AADAT: variants seen among roughly 807,000 people sequenced by gnomAD.
AADAT encodes the protein aminoadipate aminotransferase.
AADAT carries 25 observed loss-of-function variants against 56.2 expected under a neutral mutation model. That is an observed-to-expected ratio of 0.44 (90% CI 0.32 to 0.62). The LOEUF (loss-of-function observed/expected upper bound fraction) is 0.62. Among genes scored for constraint, AADAT ranks in the 20% least tolerant of loss-of-function variants. The pLI, the probability that AADAT is intolerant of heterozygous loss-of-function variation, is 0.04. For synonymous variants in AADAT, 173 were observed against 164.7 expected, an observed-to-expected ratio of 1.05 and a Z score of -0.39; for missense variants, 387 against 510.5, an observed-to-expected ratio of 0.76 and a Z score of 2.33.
intron 12 of AADAT, 79 bp downstream of exon 12, chr4:170,061,813 C>T (rs1240941845): frequency 1.1e-5 from 11 of 985,676 alleles, no homozygotes; most frequent in Non-Finnish European, 1.6e-5. Flanking sequence ...AAGTAATATT[C>T]TAATTCACAA....
chr4:170,062,108 G>T (rs780752607), intron 11 of AADAT, 115 bp from the exon 12 acceptor site: 1 of 557,846 alleles, frequency 1.8e-6, no homozygotes, highest in South Asian at 3.2e-5. Flanking sequence ...AGCAGTTAAA[G>T]AAATCACAAG....
intron 5 of AADAT, among the ~76,000 whole-genome samples, chr4:170,071,601 G>C (rs1731766784): frequency 6.6e-6 from 1 of 152,190 alleles, no homozygotes; most frequent in South Asian, 2.1e-4. Context: ...CTGTAAACAG[G>C]AGAACCCGGA....
intron 4 of AADAT, among the ~76,000 whole-genome samples, chr4:170,073,642 G>C (rs1024693537): frequency 6.6e-6 from 1 of 151,902 alleles, no homozygotes; most frequent in Non-Finnish European, 1.5e-5. Context: ...GGGGACTACA[G>C]GTGCACGCCA....
chr4:170,065,056 G>A (rs1731382189), intron 10 of AADAT, among the ~76,000 whole-genome samples: 1 of 151,626 alleles, frequency 6.6e-6, no homozygotes, highest in Non-Finnish European at 1.5e-5. Flanking sequence ...GGTAGGGTGG[G>A]CAAGTGAATA....
intron 3 of AADAT, among the ~76,000 whole-genome samples, chr4:170,086,744 A>G (rs1732582659): frequency 1.3e-5 from 2 of 152,198 alleles, no homozygotes; most frequent in African/African-American, 4.8e-5. Flanking sequence ...GTAATTGACC[A>G]CATGCTCTGT....
At position 170,064,775 on chromosome 4, in the gene AADAT, C is replaced by G; in HGVS notation, c.1078G>C (p.Val360Leu). The change falls in exon 11 of 13, where the codon GTT becomes CTT. Residue 360 changes from valine (V) to leucine (L), a missense_variant. Transcript: ENST00000337664. ...TCTTTTACATCATTAATGCCTTTAA[C>G]TTTAATCCATAAAAACATTCCAGCA... ...PAAGMFLWIK[V>L]KGINDVKELI... 1 of 1,612,178 alleles carries G rather than the reference C, an allele frequency of 6.2e-7. No homozygotes were observed.
At chr4:170,062,017 G>T in intron 11 of AADAT, 24 bp from the exon 12 acceptor site, 1 of 1,516,452 alleles carries the variant, frequency 6.6e-7, no homozygotes, top group Non-Finnish European at 9.1e-7. Context: ...TGGAAGATAA[G>T]TAATGTACCA....
intron 7 of AADAT, 26 bp downstream of exon 7, chr4:170,069,122 G>A (rs773783819): frequency 2.6e-5 from 41 of 1,593,928 alleles, no homozygotes; most frequent in Middle Eastern, 1.7e-4. Context: ...TAGATCTAGC[G>A]TCAAGTTAGA....
chr4:170,065,710 A>G (rs888457314), intron 10 of AADAT, among the ~76,000 whole-genome samples: 1 of 152,168 alleles, frequency 6.6e-6, no homozygotes. Flanking sequence ...CATGTTGGCC[A>G]GGCTGGTCTG....
intron 9 of AADAT, 92 bp from the exon 10 acceptor site, chr4:170,066,570 T>C: frequency 5.5e-6 from 5 of 905,358 alleles, no homozygotes; most frequent in Non-Finnish European, 9.1e-6. Flanking sequence ...GAATTTGTTT[T>C]CTATCTTGAT....
upstream of AADAT, among the ~76,000 whole-genome samples, chr4:170,090,731 C>T (rs1319241521): frequency 6.6e-6 from 1 of 152,106 alleles, no homozygotes; most frequent in African/African-American, 2.4e-5. Flanking sequence ...TCTGCAATTT[C>T]TCCTTCCTGA....
intron 4 of AADAT, among the ~76,000 whole-genome samples, chr4:170,077,065 T>A (rs1732073993): frequency 6.6e-6 from 1 of 152,178 alleles, no homozygotes; most frequent in African/African-American, 2.4e-5. Flanking sequence ...GTCTATATGA[T>A]TGTCTTTATG....
intron 1 of AADAT, chr4:170,089,200 C>T: frequency 2.9e-6 from 1 of 342,196 alleles, no homozygotes; most frequent in Non-Finnish European, 5.5e-6. Flanking sequence ...ATAGCAGAAG[C>T]CCTCCTCCAC....
At chr4:170,064,943 C>A (rs748403276) in intron 10 of AADAT, 118 bp from the exon 11 acceptor site, 72 of 772,114 alleles carry the variant, frequency 9.3e-5, no homozygotes, top group Non-Finnish European at 1.4e-4. Context: ...TAAAAAAGTT[C>A]CTTCAATTAT....
intron 3 of AADAT, among the ~76,000 whole-genome samples, chr4:170,086,346 G>A (rs1732560879): frequency 6.6e-6 from 1 of 152,076 alleles, no homozygotes; most frequent in Admixed American, 6.6e-5. Context: ...TACATCTGTG[G>A]AGTTCCCGGA....
chr4:170,069,330 A>G (rs1731648545), intron 6 of AADAT, 100 bp from the exon 7 acceptor site: 1 of 838,814 alleles, frequency 1.2e-6, no homozygotes, highest in South Asian at 1.7e-5. Flanking sequence ...GATTTGGATA[A>G]CAACAGTACA....
chr4:170,085,305 AC>A (rs1732503679), intron 3 of AADAT, among the ~76,000 whole-genome samples: 1 of 152,154 alleles, frequency 6.6e-6, no homozygotes, highest in Non-Finnish European at 1.5e-5. Flanking sequence ...TCAAGGGTCA[AC>A]TGTAAATATA....
intron 3 of AADAT, among the ~76,000 whole-genome samples, chr4:170,086,301 T>A (rs1164332111): frequency 1.3e-5 from 2 of 151,408 alleles, no homozygotes; most frequent in East Asian, 3.9e-4. Flanking sequence ...ACCACAGATG[T>A]GGTCTCTTTA....
upstream of AADAT, among the ~76,000 whole-genome samples, chr4:170,092,304 C>G (rs113533980): frequency 0.043 from 6,524 of 152,302 alleles, 465 homozygotes; most frequent in African/African-American, 0.15. Context: ...TGCAGTTTCT[C>G]TCCTGAGGCC....
Sources: gnomAD v4.1 joint callset for allele counts (sites outside exome capture counted in the v4.1 genomes callset) on GRCh38, gnomAD v4.1.1 for gene constraint, MANE v1.5 for transcripts, NCBI Gene and HGNC (gene_info 2026-07-23, HGNC 2026-07-21) for gene names.